GNAL: variants seen among roughly 807,000 people sequenced by gnomAD.
GNAL encodes guanine nucleotide-binding protein G(olf) subunit alpha.
In GNAL, 18 loss-of-function variants were observed where a neutral mutation model predicts 55.1. The ratio of observed to expected loss-of-function variants is 0.33; its 90% CI spans 0.23 to 0.48. The LOEUF (loss-of-function observed/expected upper bound fraction) is 0.48. GNAL is among the 20% of genes least tolerant of loss of function. GNAL has a pLI of 0.99. For missense variants in GNAL, 412 were observed against 614.1 expected (o/e 0.67, Z 3.48); for synonymous variants, 253 against 237.0 (o/e 1.07, Z -0.62).
At chr18:11,800,450 A>C (rs1488585503) in intron 4 of GNAL, among the ~76,000 whole-genome samples, 1 of 152,152 alleles carries the variant, frequency 6.6e-6, no homozygotes, top group East Asian at 1.9e-4. Flanking sequence ...GCATGAAAGG[A>C]TGGGCTCGTG....
rs1375460360 is a variant in GNAL at position 11,752,310 on chromosome 18, A to C, written c.377-543A>C. Reference sequence around the variant, plus strand: ...CTCTGAATCGGAAAACACCGAAGAGACCAGACCATCTCTTTCAGCAGCAGG... The same window carrying C: ...CTCTGAATCGGAAAACACCGAAGAGCCCAGACCATCTCTTTCAGCAGCAGG... On this transcript the variant is annotated intron_variant, in intron 1 of 11. Transcript: ENST00000334049. This position sits in a 1 kb window ranked among gnomAD's most constrained non-coding sequence, Gnocchi z 4.5. 2.0e-6 allele frequency: 3 copies of C among 1,470,120 alleles called. No homozygotes were observed. The highest frequency in any genetic ancestry group is 2.7e-6 in the Non-Finnish European group (3 of 1,116,224). 91.1% of individuals were successfully genotyped at this position (1,470,120 alleles called of 1,614,324 possible). A position where few individuals can be genotyped will look rare whatever the true frequency, so the allele number is the denominator to read the frequency against.
chr18:11,765,926 A>G (rs1234598262), intron 4 of GNAL, among the ~76,000 whole-genome samples: 2 of 152,188 alleles, frequency 1.3e-5, no homozygotes, highest in Non-Finnish European at 2.9e-5. Context: ...GTTCATCTCT[A>G]AGGACCCTTG....
chr18:11,700,875 GA>G (rs2031550594), intron 1 of GNAL, among the ~76,000 whole-genome samples: 1 of 152,216 alleles, frequency 6.6e-6, no homozygotes, highest in Non-Finnish European at 1.5e-5. Flanking sequence ...GACATAAACA[GA>G]AAAATAAGGC....
intron 1 of GNAL, among the ~76,000 whole-genome samples, chr18:11,695,269 T>G (rs1293071708): frequency 6.6e-6 from 1 of 152,220 alleles, no homozygotes; most frequent in African/African-American, 2.4e-5. Flanking sequence ...ATTAATAAAA[T>G]GTAATCTACA....
intron 4 of GNAL, among the ~76,000 whole-genome samples, chr18:11,786,230 T>A (rs1203793352): frequency 6.6e-6 from 1 of 152,042 alleles, no homozygotes; most frequent in Non-Finnish European, 1.5e-5. Context: ...AGGGCAGTAT[T>A]ACTCAAAGAC....
intron 4 of GNAL, among the ~76,000 whole-genome samples, chr18:11,819,949 A>G (rs1438553580): frequency 6.6e-6 from 1 of 151,660 alleles, no homozygotes; most frequent in East Asian, 1.9e-4. Context: ...ACAGAAAAGA[A>G]GTGGAACTTA....
intron 1 of GNAL, among the ~76,000 whole-genome samples, chr18:11,695,922 G>GCACGCACGCACGCGCA (rs968123360): frequency 3.7e-5 from 5 of 136,052 alleles, no homozygotes; most frequent in African/African-American, 1.2e-4. Context: ...ATGCACGCAT[G>GCACGCACGCACGCGCA]CACACACACA....
At chr18:11,740,037 T>C (rs896888776) in intron 1 of GNAL, among the ~76,000 whole-genome samples, 2 of 152,200 alleles carry the variant, frequency 1.3e-5, no homozygotes, top group Non-Finnish European at 2.9e-5. Context: ...CCGCATTCAC[T>C]AGCTGCCTTT....
intron 4 of GNAL, among the ~76,000 whole-genome samples, chr18:11,822,219 C>T (rs761543554): frequency 4.6e-5 from 7 of 152,162 alleles, no homozygotes; most frequent in Non-Finnish European, 8.8e-5. Flanking sequence ...CCTGTGGAAT[C>T]ACTTGAGCCT....
At chr18:11,824,131 T>G (rs1023706189) in intron 4 of GNAL, among the ~76,000 whole-genome samples, 1 of 152,148 alleles carries the variant, frequency 6.6e-6, no homozygotes, top group African/African-American at 2.4e-5. Context: ...GTACCTAATA[T>G]GTCTGGGCCA....
chr18:11,704,801 C>G (rs1050237450), intron 1 of GNAL, among the ~76,000 whole-genome samples: 2 of 151,716 alleles, frequency 1.3e-5, no homozygotes, highest in African/African-American at 4.8e-5. Context: ...AATTTAACAG[C>G]TTTTTTTGAG....
At position 11,885,132 on chromosome 18, in the gene GNAL, C is replaced by G. The variant is rs753005183; in HGVS notation, c.*3997C>G. On this transcript the variant is annotated 3_prime_UTR_variant, in exon 12 of 12. Transcript: ENST00000334049. ...CAACAGTGGCAAATGTTTTCATTTA[C>G]TTTGAATTTGAAAATGTTAGGGTTT... The G allele has an allele frequency of 3.5e-5, 36 of 1,036,516 alleles. No homozygotes were observed. Among genetic ancestry groups the G allele is most frequent in the Non-Finnish European group, 4.4e-5 (35 of 796,946 alleles). 64.2% of individuals were successfully genotyped at this position (1,036,516 alleles called of 1,614,324 possible).
At chr18:11,844,799 A>T (rs1388236476) in intron 5 of GNAL, among the ~76,000 whole-genome samples, 7 of 152,206 alleles carry the variant, frequency 4.6e-5, no homozygotes, top group African/African-American at 1.7e-4. Flanking sequence ...TTAATGTGCA[A>T]CAAAATTAAC....
At position 11,885,204 on chromosome 18, in the gene GNAL, G is replaced by A. The variant is rs905526949; in HGVS notation, c.*4069G>A. The A allele has an allele frequency of 2.4e-6, 1 of 422,752 alleles. No individual in the cohort carries two copies. Among genetic ancestry groups the A allele is most frequent in the Non-Finnish European group, 3.8e-6 (1 of 266,652 alleles). 26.2% of individuals were successfully genotyped at this position (422,752 alleles called of 1,614,324 possible). A position where few individuals can be genotyped will look rare whatever the true frequency, so the allele number is the denominator to read the frequency against. Reference sequence around the variant, plus strand: ...AAAGAACCTGTCGTACCAGCATCATGAGCTGGATGCAGGAGCCCATGGCTG... The same window carrying A: ...AAAGAACCTGTCGTACCAGCATCATAAGCTGGATGCAGGAGCCCATGGCTG... On this transcript the variant is annotated 3_prime_UTR_variant, in exon 12 of 12. Transcript: ENST00000334049.
At chr18:11,766,758 A>G (rs2033418521) in intron 4 of GNAL, among the ~76,000 whole-genome samples, 1 of 152,226 alleles carries the variant, frequency 6.6e-6, no homozygotes, top group Non-Finnish European at 1.5e-5. Flanking sequence ...TTGCAAAAAT[A>G]TAGAACGATT....
At chr18:11,702,935 T>C (rs144204277) in intron 1 of GNAL, among the ~76,000 whole-genome samples, 99 of 152,034 alleles carry the variant, frequency 6.5e-4, no homozygotes, top group African/African-American at 2.2e-3. Flanking sequence ...CTGGTCAGCA[T>C]GGCAAAACCC....
At chr18:11,830,906 A>T (rs1045202850) in intron 5 of GNAL, among the ~76,000 whole-genome samples, 2 of 152,228 alleles carry the variant, frequency 1.3e-5, no homozygotes, top group Admixed American at 6.5e-5. Flanking sequence ...GATTACATGT[A>T]TATGAAATGA....
chr18:11,842,503 C>T (rs913403018), intron 5 of GNAL, among the ~76,000 whole-genome samples: 1 of 151,944 alleles, frequency 6.6e-6, no homozygotes, highest in Non-Finnish European at 1.5e-5. Context: ...ATCAGTGGGA[C>T]CCCTGAGCTT....
At chr18:11,849,501 CAAAAAAAAAAAA>C (rs71172025) in intron 5 of GNAL, among the ~76,000 whole-genome samples, 2 of 130,478 alleles carry the variant, frequency 1.5e-5, no homozygotes, top group Admixed American at 7.3e-5. Flanking sequence ...GATTTCATCT[CAAAAAAAAAAAA>C]AAAAAAAAGA....
Sources: allele counts gnomAD v4.1 joint callset (sites outside exome capture counted in the v4.1 genomes callset), GRCh38; gene constraint gnomAD v4.1.1; non-coding constraint Gnocchi (gnomAD v3.1); transcripts MANE v1.5; gene names NCBI Gene and HGNC (gene_info 2026-07-23, HGNC 2026-07-21).